The following CCSER1 variants were observed in gnomAD, a reference collection of about 807,000 sequenced individuals.
CCSER1 encodes serine-rich coiled-coil domain-containing protein 1.
In CCSER1, 41 loss-of-function variants were observed where a neutral mutation model predicts 82.0. The observed-to-expected ratio is 0.50, with a 90% confidence interval of 0.39 to 0.65. The LOEUF (loss-of-function observed/expected upper bound fraction) is 0.65. Ranked by LOEUF, CCSER1 falls within the 30% of genes least tolerant of loss-of-function variation. The probability of loss-of-function intolerance (pLI) is 0.00; values close to 1 mark genes in which losing one functional copy is unlikely to be tolerated. For synonymous variants in CCSER1, 414 were observed against 383.9 expected, an observed-to-expected ratio of 1.08 and a Z score of -0.92; for missense variants, 1,119 against 1,064.2, an observed-to-expected ratio of 1.05 and a Z score of -0.72.
intron 7 of CCSER1, among the ~76,000 whole-genome samples, chr4:90,756,315 T>C (rs938696595): frequency 6.6e-6 from 1 of 152,164 alleles, no homozygotes; most frequent in Admixed American, 6.5e-5. Flanking sequence ...CTAAATATCA[T>C]CTCTATGGTT....
At chr4:91,332,585 G>T (rs548008416) in intron 10 of CCSER1, among the ~76,000 whole-genome samples, 2 of 151,636 alleles carry the variant, frequency 1.3e-5, no homozygotes, top group South Asian at 4.2e-4. Flanking sequence ...AAAAAAAAGG[G>T]CCATTTAACT....
intron 9 of CCSER1, among the ~76,000 whole-genome samples, chr4:90,959,330 C>T (rs544603511): frequency 3.9e-5 from 6 of 152,210 alleles, no homozygotes; most frequent in Admixed American, 2.0e-4. Flanking sequence ...TGTGATTATT[C>T]TATTTCTTGG....
At chr4:90,847,038 C>A (rs572128510) in intron 8 of CCSER1, among the ~76,000 whole-genome samples, 4 of 152,254 alleles carry the variant, frequency 2.6e-5, no homozygotes, top group African/African-American at 9.6e-5. Context: ...GAAACTGTTC[C>A]CCCATTTGTA....
intron 9 of CCSER1, among the ~76,000 whole-genome samples, chr4:91,007,031 A>T: frequency 6.6e-6 from 1 of 152,170 alleles, no homozygotes; most frequent in East Asian, 1.9e-4. Flanking sequence ...TTTTGAAATA[A>T]TTGTATGTTT....
chr4:90,460,390 A>G (rs28416577), intron 4 of CCSER1, among the ~76,000 whole-genome samples: 2,683 of 150,772 alleles, frequency 0.018, 86 homozygotes, highest in African/African-American at 0.063. Context: ...AAAAATATGC[A>G]ATTTCAATTA....
intron 5 of CCSER1, among the ~76,000 whole-genome samples, chr4:90,556,347 C>G (rs1037449287): frequency 1.3e-5 from 2 of 152,054 alleles, no homozygotes; most frequent in African/African-American, 2.4e-5. Flanking sequence ...GAGAACAAGA[C>G]CAATGCAAAT....
intron 10 of CCSER1, among the ~76,000 whole-genome samples, chr4:91,113,949 T>A (rs1726323627): frequency 6.6e-6 from 1 of 151,920 alleles, no homozygotes; most frequent in Non-Finnish European, 1.5e-5. Flanking sequence ...GCCTCCTGAG[T>A]TCACGCCGTT....
At position 91,395,098 on chromosome 4, in the gene CCSER1, G is replaced by C. The variant is rs560928525; in HGVS notation, c.2218-203474G>C. ...AGATGAAACTTTCAAAATATTATGGGTCATTCATTTTGGTCAAATTATTCA... is the reference window on the plus strand; with the variant it reads ...AGATGAAACTTTCAAAATATTATGGCTCATTCATTTTGGTCAAATTATTCA... On this transcript the variant is annotated intron_variant, in intron 10 of 10. Transcript: ENST00000509176. Among the ~76,000 whole-genome samples the C allele has an allele frequency of 2.0e-5, 3 of 152,064 alleles. No homozygotes were observed. The South Asian group carries it at 6.2e-4, about 32-fold the overall frequency.
At chr4:90,461,552 T>A (rs1223106435) in intron 4 of CCSER1, among the ~76,000 whole-genome samples, 1 of 152,192 alleles carries the variant, frequency 6.6e-6, no homozygotes, top group Non-Finnish European at 1.5e-5. Context: ...GTCTTGTGTC[T>A]TGTCTAGGCC....
At chr4:90,857,792 A>C (rs991336537) in intron 8 of CCSER1, among the ~76,000 whole-genome samples, 1 of 152,110 alleles carries the variant, frequency 6.6e-6, no homozygotes, top group African/African-American at 2.4e-5. Flanking sequence ...ATGCAGGATT[A>C]ACAAGTGGAG....
At chr4:90,669,801 C>T (rs115975955) in intron 6 of CCSER1, among the ~76,000 whole-genome samples, 2,478 of 152,162 alleles carry the variant, frequency 0.016, 36 homozygotes, top group Non-Finnish European at 0.022. Flanking sequence ...AATACTCATG[C>T]ACTTACATGC....
At chr4:90,798,179 T>C (rs988502855) in intron 7 of CCSER1, among the ~76,000 whole-genome samples, 1 of 152,166 alleles carries the variant, frequency 6.6e-6, no homozygotes, top group Admixed American at 6.5e-5. Context: ...CTCATTTTCA[T>C]TCTTTTTTCT....
chr4:91,551,953 A>G (rs1578769333), intron 10 of CCSER1, among the ~76,000 whole-genome samples: 1 of 151,862 alleles, frequency 6.6e-6, no homozygotes, highest in East Asian at 1.9e-4. Flanking sequence ...AAGGGAGGGG[A>G]AAAATGCTGT....
At chr4:91,348,828 GTC>G (rs1748251444) in intron 10 of CCSER1, among the ~76,000 whole-genome samples, 1 of 152,040 alleles carries the variant, frequency 6.6e-6, no homozygotes, top group African/African-American at 2.4e-5. Context: ...AGCAATTTGG[GTC>G]TCTCATTATT....
At position 90,959,730 on chromosome 4, in the gene CCSER1, C is replaced by T. The variant is rs559395903; in HGVS notation, c.2172+36283C>T. 1.6e-4 allele frequency among the ~76,000 whole-genome samples: 22 copies of T among 137,476 alleles called. No homozygotes were observed. The East Asian group carries it at 3.8e-3, about 23-fold the overall frequency. The allele number at this position is 137,476 out of a possible 152,430, so 90.2% of individuals were successfully genotyped here. The stretch of plus-strand genomic sequence containing the variant: ...CTTCTGCATCCTGTGGAAGTTCTGC[C>T]TCGGGTTTTCTTTTTTTTTTTTTCG... On this transcript the variant is annotated intron_variant, in intron 9 of 10. Transcript: ENST00000509176.
At chr4:90,437,519 C>G (rs564659472) in intron 4 of CCSER1, among the ~76,000 whole-genome samples, 20 of 152,240 alleles carry the variant, frequency 1.3e-4, no homozygotes, top group African/African-American at 3.9e-4. Flanking sequence ...TGATTAATAT[C>G]TCTGAATCCA....
chr4:90,716,236 T>C (rs1741619716), intron 6 of CCSER1, among the ~76,000 whole-genome samples: 1 of 151,916 alleles, frequency 6.6e-6, no homozygotes. Flanking sequence ...TGGAAAAATA[T>C]GTTGTACTTT....
intron 9 of CCSER1, among the ~76,000 whole-genome samples, chr4:90,941,043 G>C (rs1251107188): frequency 6.6e-6 from 1 of 152,024 alleles, no homozygotes; most frequent in Non-Finnish European, 1.5e-5. Flanking sequence ...TACTCTTTAT[G>C]AACTAGGGAT....
At chr4:91,308,895 G>T (rs974029955) in intron 10 of CCSER1, among the ~76,000 whole-genome samples, 1 of 151,840 alleles carries the variant, frequency 6.6e-6, no homozygotes, top group African/African-American at 2.4e-5. Flanking sequence ...GACTAGAAAT[G>T]AATTAAGTTT....
Sources: gnomAD v4.1 joint callset for allele counts (sites outside exome capture counted in the v4.1 genomes callset) on GRCh38, gnomAD v4.1.1 for gene constraint, MANE v1.5 for transcripts, NCBI Gene and HGNC (gene_info 2026-07-23, HGNC 2026-07-21) for gene names.